ADGRB3: variants seen among roughly 807,000 people sequenced by gnomAD.
ADGRB3 encodes the protein adhesion G protein-coupled receptor B3.
ADGRB3 carries 37 observed loss-of-function variants against 193.4 expected under a neutral mutation model. That is an observed-to-expected ratio of 0.19 (90% confidence interval 0.15 to 0.25). ADGRB3 has a LOEUF of 0.25. ADGRB3 is among the 10% of genes least tolerant of loss of function. ADGRB3 has a pLI of 1.00. For missense variants in ADGRB3, 1,637 were observed against 1,852.9 expected (o/e 0.88, Z 2.14); for synonymous variants, 690 against 644.2 (o/e 1.07, Z -1.08).
chr6:69,007,738 C>G (rs1408943132), intron 11 of ADGRB3, among the ~76,000 whole-genome samples: 2 of 149,410 alleles, frequency 1.3e-5, no homozygotes, highest in Non-Finnish European at 3.0e-5. Context: ...CCCTGCTGAC[C>G]TATTCAGTCT....
intron 3 of ADGRB3, among the ~76,000 whole-genome samples, chr6:68,801,933 G>A (rs1002770538): frequency 2.0e-5 from 3 of 152,148 alleles, no homozygotes; most frequent in African/African-American, 7.2e-5. Flanking sequence ...TGGGACTTAT[G>A]AGACTTAGAG....
At chr6:68,915,354 G>T (rs1209879235) in intron 3 of ADGRB3, among the ~76,000 whole-genome samples, 3 of 152,104 alleles carry the variant, frequency 2.0e-5, no homozygotes, top group Non-Finnish European at 2.9e-5. Context: ...CACATGGCAG[G>T]ATGGGCTGAT....
chr6:68,672,367 A>G (rs1233106662), intron 3 of ADGRB3, among the ~76,000 whole-genome samples: 1 of 148,964 alleles, frequency 6.7e-6, no homozygotes, highest in East Asian at 2.0e-4. Flanking sequence ...GGTTTATTTG[A>G]TGTTTTTCTT....
At chr6:69,129,784 A>G (rs1773954504) in intron 17 of ADGRB3, among the ~76,000 whole-genome samples, 1 of 152,136 alleles carries the variant, frequency 6.6e-6, no homozygotes, top group Admixed American at 6.5e-5. Context: ...TGAACTAATC[A>G]TTGAGTCTTT....
intron 30 of ADGRB3, among the ~76,000 whole-genome samples, chr6:69,375,561 G>C (rs1409372760): frequency 6.6e-6 from 1 of 152,008 alleles, no homozygotes; most frequent in African/African-American, 2.4e-5. Context: ...GTCAGGGTGA[G>C]TTCCATTTTA....
chr6:68,975,321 A>G lies in ADGRB3; in HGVS notation c.1715A>G (p.Tyr572Cys). The G allele has an allele frequency of 6.2e-7, 1 of 1,613,780 alleles. No individual in the cohort carries two copies. The highest frequency in any genetic ancestry group is 8.5e-7 in the Non-Finnish European group (1 of 1,179,692). Residue 572 changes from tyrosine (Y) to cysteine (C), a missense_variant, in exon 10 of 32, where the codon TAC becomes TGC. Tyr to Cys is a radical substitution (Grantham distance 194). Around this residue, in one of 7 missense-constraint regions of ADGRB3, gnomAD observed 641 missense variants for 673.9 expected, o/e 0.95. Coordinates refer to ENST00000370598, the MANE Select transcript of ADGRB3 (RefSeq NM_001704.3). Reference sequence around the variant, plus strand: ...TTTGCAAGATGCATATCAAATGAGTACAGACACTTGCAGCATTCAGTAGGT... The same window carrying G: ...TTTGCAAGATGCATATCAAATGAGTGCAGACACTTGCAGCATTCAGTAGGT... ...PSFARCISNE[Y>C]RHLQHSIKEH... is the part of the protein sequence containing the mutation.
chr6:68,791,406 G>A (rs1274671775), intron 3 of ADGRB3, among the ~76,000 whole-genome samples: 2 of 152,154 alleles, frequency 1.3e-5, no homozygotes, highest in African/African-American at 2.4e-5. Context: ...CATTATAGAA[G>A]TGTGAAGAAA....
intron 13 of ADGRB3, among the ~76,000 whole-genome samples, chr6:69,043,343 G>GAA (rs1771144672): frequency 1.7e-5 from 1 of 57,286 alleles, no homozygotes; most frequent in Non-Finnish European, 4.0e-5. Context: ...AGAAAGAAAA[G>GAA]AAGATTAAGT....
chr6:69,002,957 A>C (rs2150279825), intron 11 of ADGRB3, among the ~76,000 whole-genome samples: 1 of 152,272 alleles, frequency 6.6e-6, no homozygotes, highest in East Asian at 1.9e-4. Flanking sequence ...GGGTGTGATG[A>C]GTAAGAGTAC....
chr6:68,886,003 A>G (rs1013643247), intron 3 of ADGRB3, among the ~76,000 whole-genome samples: 2 of 152,148 alleles, frequency 1.3e-5, no homozygotes, highest in East Asian at 3.9e-4. Flanking sequence ...AAGATTGGGT[A>G]ATTATTTGGA....
intron 31 of ADGRB3, among the ~76,000 whole-genome samples, chr6:69,383,219 GTTAAAA>G (rs774876239): frequency 2.2e-4 from 33 of 151,982 alleles, no homozygotes; most frequent in Non-Finnish European, 3.7e-4. Flanking sequence ...TACTGTCAGA[GTTAAAA>G]TTAAAATTAA....
At chr6:68,636,575 A>AG (rs1223663228) in intron 1 of ADGRB3, among the ~76,000 whole-genome samples, 20 of 151,928 alleles carry the variant, frequency 1.3e-4, no homozygotes, top group South Asian at 6.3e-4. Context: ...TGCAGTCCAA[A>AG]GGGGGGTGAG....
At chr6:68,949,513 G>A (rs901483784) in intron 6 of ADGRB3, among the ~76,000 whole-genome samples, 75 of 152,150 alleles carry the variant, frequency 4.9e-4, no homozygotes, top group African/African-American at 1.7e-3. Context: ...TTGGTCTACA[G>A]CATCTATGGG....
chr6:69,054,230 A>G (rs1771481633), intron 15 of ADGRB3, among the ~76,000 whole-genome samples: 1 of 152,120 alleles, frequency 6.6e-6, no homozygotes, highest in South Asian at 2.1e-4. Context: ...CAATAATGCA[A>G]AAATCAAATG....
At chr6:69,047,791 A>G (rs1771279161) in intron 13 of ADGRB3, among the ~76,000 whole-genome samples, 1 of 152,220 alleles carries the variant, frequency 6.6e-6, no homozygotes, top group African/African-American at 2.4e-5. Context: ...GACAAAATTC[A>G]GGTTTAAATG....
chr6:69,181,594 C>T (rs1023324574), intron 17 of ADGRB3, among the ~76,000 whole-genome samples: 5 of 152,006 alleles, frequency 3.3e-5, no homozygotes, highest in African/African-American at 4.8e-5. Flanking sequence ...ATGGTTTTTG[C>T]TTCTTGCATA....
intron 20 of ADGRB3, among the ~76,000 whole-genome samples, chr6:69,249,065 C>T (rs1036398445): frequency 7.2e-5 from 11 of 152,268 alleles, no homozygotes; most frequent in African/African-American, 2.6e-4. Context: ...GAAACCTCCG[C>T]CTCCCGGGTT....
intron 17 of ADGRB3, among the ~76,000 whole-genome samples, chr6:69,133,455 C>T (rs1176168542): frequency 1.3e-5 from 2 of 151,854 alleles, no homozygotes; most frequent in Admixed American, 6.6e-5. Flanking sequence ...ATAATAAATT[C>T]TGACATTGAG....
At chr6:69,108,518 A>T (rs1281432803) in intron 17 of ADGRB3, among the ~76,000 whole-genome samples, 16 of 152,068 alleles carry the variant, frequency 1.1e-4, no homozygotes. Context: ...TGCAGGAGTG[A>T]GAAAGGCATA....
Sources: gnomAD v4.1 joint callset for allele counts (sites outside exome capture counted in the v4.1 genomes callset) on GRCh38, gnomAD v4.1.1 for gene constraint, gnomAD v4.1.1 regional missense constraint, MANE v1.5 for transcripts, NCBI Gene and HGNC (gene_info 2026-07-23, HGNC 2026-07-21) for gene names.